The following ZFAND3 variants were observed in gnomAD, a reference collection of about 807,000 sequenced individuals.
ZFAND3 encodes the protein zinc finger AN1-type containing 3.
ZFAND3 carries 10 observed loss-of-function variants against 29.6 expected under a neutral mutation model. The ratio of observed to expected loss-of-function variants is 0.34; its 90% CI spans 0.21 to 0.57. The LOEUF (loss-of-function observed/expected upper bound fraction) is 0.57, where lower values mean the gene tolerates loss of function less well. Among genes scored for constraint, ZFAND3 ranks in the 20% least tolerant of loss-of-function variants. The pLI, the probability that ZFAND3 is intolerant of heterozygous loss-of-function variation, is 0.86. For synonymous variants in ZFAND3, 128 were observed against 112.6 expected, an observed-to-expected ratio of 1.14 and a Z score of -0.87; for missense variants, 230 against 304.5, an observed-to-expected ratio of 0.76 and a Z score of 1.82.
At chr6:38,018,654 T>C (rs73417972) in intron 2 of ZFAND3, among the ~76,000 whole-genome samples, 10,387 of 152,268 alleles carry the variant, frequency 0.068, 425 homozygotes, top group Non-Finnish European at 0.087. Context: ...CTGTATAGTT[T>C]TACATTATAC....
intron 1 of ZFAND3, among the ~76,000 whole-genome samples, chr6:37,847,594 A>G (rs373172883): frequency 2.0e-5 from 3 of 152,256 alleles, no homozygotes; most frequent in African/African-American, 7.2e-5. Flanking sequence ...TCAGAGTACT[A>G]TTGATACACA....
chr6:37,997,949 G>A (rs1183368079), intron 2 of ZFAND3, among the ~76,000 whole-genome samples: 1 of 152,142 alleles, frequency 6.6e-6, no homozygotes, highest in African/African-American at 2.4e-5. Context: ...TCAGGAAGAA[G>A]GGATGGTGTT....
intron 2 of ZFAND3, among the ~76,000 whole-genome samples, chr6:37,967,117 C>T (rs1018946395): frequency 2.5e-4 from 38 of 152,120 alleles, no homozygotes; most frequent in Non-Finnish European, 5.1e-4. Context: ...TGTAAAGTTA[C>T]TCTTCTTGTT....
At chr6:37,876,261 CT>C (rs1242224720) in intron 1 of ZFAND3, among the ~76,000 whole-genome samples, 11 of 152,160 alleles carry the variant, frequency 7.2e-5, no homozygotes, top group Admixed American at 6.5e-4. Context: ...TCTTTGACAA[CT>C]TTTAGAATCC....
At chr6:38,049,888 ACCCCCT>A (rs1763985719) in intron 2 of ZFAND3, among the ~76,000 whole-genome samples, 1 of 29,718 alleles carries the variant, frequency 3.4e-5, no homozygotes, top group South Asian at 1.9e-3. Flanking sequence ...CCCCACCCCC[ACCCCCT>A]CCCCCTCACA....
intron 1 of ZFAND3, among the ~76,000 whole-genome samples, chr6:37,900,185 T>C (rs566982868): frequency 6.6e-6 from 1 of 152,224 alleles, no homozygotes; most frequent in Admixed American, 6.5e-5. Flanking sequence ...TAAACAATAC[T>C]GCAGAAACCC....
chr6:38,117,170 T>TC (rs1581932047), intron 5 of ZFAND3, among the ~76,000 whole-genome samples: 1 of 152,102 alleles, frequency 6.6e-6, no homozygotes, highest in Non-Finnish European at 1.5e-5. Flanking sequence ...GATTTTTTTT[T>TC]CTCCATATCC....
At chr6:37,910,869 A>G (rs954738621) in intron 1 of ZFAND3, among the ~76,000 whole-genome samples, 4 of 152,206 alleles carry the variant, frequency 2.6e-5, no homozygotes, top group African/African-American at 9.6e-5. Flanking sequence ...TTTACAAATG[A>G]AAGAATTTCC....
At chr6:38,059,226 C>T (rs936155101) in intron 2 of ZFAND3, among the ~76,000 whole-genome samples, 4 of 152,066 alleles carry the variant, frequency 2.6e-5, no homozygotes, top group African/African-American at 4.8e-5. Context: ...AATCACTGTC[C>T]GAAATCTGGT....
chr6:37,915,692 A>C (rs1761234708), intron 1 of ZFAND3: 1 of 152,228 alleles, frequency 6.6e-6, no homozygotes, highest in African/African-American at 2.4e-5. Flanking sequence ...AAATGTGAGA[A>C]ACTTGACTGC....
At chr6:38,102,960 T>G (rs1282460260) in intron 4 of ZFAND3, among the ~76,000 whole-genome samples, 1 of 152,198 alleles carries the variant, frequency 6.6e-6, no homozygotes, top group Admixed American at 6.5e-5. Context: ...TTTCACCATG[T>G]TGGCCAGGCT....
At chr6:37,956,233 C>G (rs1762084433) in intron 2 of ZFAND3, among the ~76,000 whole-genome samples, 1 of 152,118 alleles carries the variant, frequency 6.6e-6, no homozygotes, top group Non-Finnish European at 1.5e-5. Flanking sequence ...GAGCATATAC[C>G]TAGAGGGGCT....
chr6:38,031,773 T>A (rs553266377), intron 2 of ZFAND3, among the ~76,000 whole-genome samples: 1 of 152,186 alleles, frequency 6.6e-6, no homozygotes. Flanking sequence ...TAATACCTTT[T>A]AATGTATCTC....
intron 2 of ZFAND3, among the ~76,000 whole-genome samples, chr6:37,933,346 C>A (rs527666035): frequency 6.6e-6 from 1 of 152,200 alleles, no homozygotes; most frequent in South Asian, 2.1e-4. Context: ...TAAAGTCTTA[C>A]CGAGAGAATA....
At chr6:37,961,796 C>T (rs1762203252) in intron 2 of ZFAND3, among the ~76,000 whole-genome samples, 1 of 152,190 alleles carries the variant, frequency 6.6e-6, no homozygotes, top group Admixed American at 6.5e-5. Context: ...AAACACAGTC[C>T]TGCTGGGCTT....
intron 2 of ZFAND3, among the ~76,000 whole-genome samples, chr6:37,993,586 C>G (rs1206963151): frequency 6.6e-6 from 1 of 152,176 alleles, no homozygotes; most frequent in Non-Finnish European, 1.5e-5. Flanking sequence ...CTTGGCCTCC[C>G]AAAGTGTTGG....
chr6:37,987,207 C>T (rs1762686506), intron 2 of ZFAND3, among the ~76,000 whole-genome samples: 1 of 152,154 alleles, frequency 6.6e-6, no homozygotes, highest in Admixed American at 6.5e-5. Flanking sequence ...GAACTCTCAG[C>T]ATGAGAGAAA....
At chr6:38,064,881 T>G (rs549879770) in intron 3 of ZFAND3, among the ~76,000 whole-genome samples, 4 of 152,272 alleles carry the variant, frequency 2.6e-5, no homozygotes, top group African/African-American at 9.6e-5. Context: ...GTTGGAGATA[T>G]GGTGATGACT....
chr6:38,093,236 A>G (rs1457744279), intron 4 of ZFAND3, among the ~76,000 whole-genome samples: 1 of 152,204 alleles, frequency 6.6e-6, no homozygotes, highest in Non-Finnish European at 1.5e-5. Context: ...AAGAGAGATA[A>G]ATCTGATTAA....
Sources: allele counts gnomAD v4.1 joint callset (sites outside exome capture counted in the v4.1 genomes callset), GRCh38; gene constraint gnomAD v4.1.1; transcripts MANE v1.5; gene names NCBI Gene and HGNC (gene_info 2026-07-23, HGNC 2026-07-21).